FHIT: variants seen among roughly 807,000 people sequenced by gnomAD.
FHIT encodes fragile histidine triad diadenosine triphosphatase.
Under a neutral mutation model 17.9 loss-of-function variants are expected in FHIT, and 19 were observed. The ratio of observed to expected loss-of-function variants is 1.06; its 90% CI spans 0.74 to 1.56. The LOEUF (loss-of-function observed/expected upper bound fraction) is 1.56, where lower values mean the gene tolerates loss of function less well. FHIT is among the 40% of genes most tolerant of loss of function. The probability of loss-of-function intolerance (pLI) is 0.00; values close to 1 mark genes in which losing one functional copy is unlikely to be tolerated. For missense variants in FHIT, 248 were observed against 189.2 expected, an observed-to-expected ratio of 1.31 and a Z score of -1.82; for synonymous variants, 81 against 69.7, an observed-to-expected ratio of 1.16 and a Z score of -0.81.
At chr3:60,675,713 T>C (rs913859058) in intron 4 of FHIT, among the ~76,000 whole-genome samples, 3 of 152,186 alleles carry the variant, frequency 2.0e-5, no homozygotes, top group Admixed American at 6.5e-5. Flanking sequence ...ACCAACAGCA[T>C]GTTTTTTAAT....
intron 3 of FHIT, among the ~76,000 whole-genome samples, chr3:60,898,385 T>C (rs1575660774): frequency 6.6e-6 from 1 of 152,336 alleles, no homozygotes; most frequent in East Asian, 1.9e-4. Context: ...AAATGTGGAA[T>C]TGCAGGATTA....
At chr3:60,105,968 A>G (rs909878713) in intron 5 of FHIT, among the ~76,000 whole-genome samples, 1 of 152,192 alleles carries the variant, frequency 6.6e-6, no homozygotes, top group Non-Finnish European at 1.5e-5. Context: ...AAAATATTAA[A>G]TGGAAAATCC....
chr3:60,247,635 G>A (rs189761135), intron 5 of FHIT, among the ~76,000 whole-genome samples: 19 of 152,188 alleles, frequency 1.2e-4, no homozygotes, highest in Non-Finnish European at 2.6e-4. Flanking sequence ...CAACTTATGA[G>A]TCTCACATTT....
intron 4 of FHIT, among the ~76,000 whole-genome samples, chr3:60,569,730 T>TATATATATATATATATAC (rs1170486451): frequency 9.2e-4 from 14 of 15,264 alleles, no homozygotes; most frequent in African/African-American, 3.6e-3. Flanking sequence ...TAATACTATA[T>TATATATATATATATATAC]ATATATATAT....
intron 5 of FHIT, among the ~76,000 whole-genome samples, chr3:60,294,149 T>TATGG (rs1708104717): frequency 6.6e-6 from 1 of 152,192 alleles, no homozygotes; most frequent in Admixed American, 6.5e-5. Context: ...AGGGAGTGAA[T>TATGG]ATGGGGTCAT....
chr3:61,214,567 C>G (rs2039607025), intron 1 of FHIT, among the ~76,000 whole-genome samples: 1 of 152,118 alleles, frequency 6.6e-6, no homozygotes, highest in African/African-American at 2.4e-5. Context: ...CAGCCGAATT[C>G]TACCAGAGGT....
chr3:60,467,002 T>C (rs903216662), intron 5 of FHIT, among the ~76,000 whole-genome samples: 1 of 151,920 alleles, frequency 6.6e-6, no homozygotes, highest in Admixed American at 6.6e-5. Context: ...CCATCAAATC[T>C]AGCGCTTTTC....
At chr3:60,219,873 G>A (rs927303701) in intron 5 of FHIT, among the ~76,000 whole-genome samples, 1 of 152,114 alleles carries the variant, frequency 6.6e-6, no homozygotes, top group Non-Finnish European at 1.5e-5. Context: ...AATTGCATAA[G>A]ATTCAGACGC....
intron 3 of FHIT, among the ~76,000 whole-genome samples, chr3:61,027,778 CA>C (rs2032811300): frequency 6.6e-6 from 1 of 152,120 alleles, no homozygotes; most frequent in African/African-American, 2.4e-5. Flanking sequence ...AAAAATCAAC[CA>C]AAGCAGTGTG....
intron 1 of FHIT, among the ~76,000 whole-genome samples, chr3:61,222,244 T>C (rs1217837733): frequency 1.3e-5 from 2 of 152,214 alleles, no homozygotes; most frequent in African/African-American, 4.8e-5. Flanking sequence ...AAGGTTGGCA[T>C]GGACCAGGAT....
At chr3:61,043,753 C>T (rs1255632037) in intron 2 of FHIT, among the ~76,000 whole-genome samples, 1 of 152,234 alleles carries the variant, frequency 6.6e-6, no homozygotes, top group East Asian at 1.9e-4. Context: ...ACACCTCACA[C>T]AGCCAAGTAC....
intron 8 of FHIT, among the ~76,000 whole-genome samples, chr3:59,854,336 G>C (rs1373073194): frequency 6.6e-6 from 1 of 152,084 alleles, no homozygotes; most frequent in African/African-American, 2.4e-5. Context: ...ACACAAATAC[G>C]TCTGATAAAT....
intron 3 of FHIT, among the ~76,000 whole-genome samples, chr3:60,924,635 C>A (rs770642956): frequency 2.6e-5 from 4 of 152,154 alleles, no homozygotes; most frequent in Non-Finnish European, 4.4e-5. Flanking sequence ...ACTGGAAACT[C>A]TAAAAATCAG....
chr3:60,014,485 A>G (rs903860198), intron 5 of FHIT, among the ~76,000 whole-genome samples: 3 of 152,224 alleles, frequency 2.0e-5, no homozygotes, highest in Admixed American at 6.5e-5. Flanking sequence ...CTTGACCCCT[A>G]TTCTAAAGCT....
Position 60,127,655 on chromosome 3 carries a change from G to A in FHIT, c.104-113503C>T, listed in dbSNP as rs111253239. ...CTCACTCTGTCACCCTGGCTGGAGT[G>A]CAGTAGCATGATCTAGGCCCACTGT... On this transcript the variant is annotated intron_variant, in intron 5 of 9. Coordinates refer to ENST00000492590, the MANE Select transcript of FHIT (RefSeq NM_002012.4). Among the ~76,000 whole-genome samples the A allele has an allele frequency of 4.8e-3, 731 of 152,228 alleles. 3 individuals carry two copies. The highest frequency in any genetic ancestry group is 8.6e-3 in the Admixed American group (131 of 15,296).
At chr3:59,946,068 C>T (rs1488819594) in intron 7 of FHIT, among the ~76,000 whole-genome samples, 3 of 152,090 alleles carry the variant, frequency 2.0e-5, no homozygotes, top group South Asian at 4.1e-4. Flanking sequence ...TGAGAAGTCA[C>T]GTTGGTAGTT....
At chr3:60,521,794 G>C (rs547436510) in intron 5 of FHIT, among the ~76,000 whole-genome samples, 94 of 152,246 alleles carry the variant, frequency 6.2e-4, no homozygotes, top group Middle Eastern at 3.4e-3. Context: ...TTGCAGTTTT[G>C]ACAAGTACAA....
chr3:60,240,813 A>G (rs780432448), intron 5 of FHIT, among the ~76,000 whole-genome samples: 1 of 152,134 alleles, frequency 6.6e-6, no homozygotes, highest in Non-Finnish European at 1.5e-5. Context: ...TTCAAAACCT[A>G]TTAGCAACCC....
rs573400300 is a variant in FHIT, at chr3:60,822,611, A to G, written c.-110-600T>C. Among the ~76,000 whole-genome samples the G allele has an allele frequency of 4.1e-3, 625 of 152,294 alleles. 7 individuals are homozygous for G. Among genetic ancestry groups the G allele is most frequent in the African/African-American group, 0.015 (604 of 41,548 alleles). ...TCTGTATCCTATGTAGCTGCTCAAC[A>G]TCACTGAGGCTCACTTTCTATCTCT... is the stretch of plus-strand genomic sequence containing the variant. On this transcript the variant is annotated intron_variant, in intron 3 of 9. Coordinates refer to ENST00000492590, the MANE Select transcript of FHIT (RefSeq NM_002012.4).
Sources: gnomAD v4.1 joint callset for allele counts (sites outside exome capture counted in the v4.1 genomes callset) on GRCh38, gnomAD v4.1.1 for gene constraint, MANE v1.5 for transcripts, NCBI Gene and HGNC (gene_info 2026-07-23, HGNC 2026-07-21) for gene names.